Variants in ZNF333 observed in about 807,000 individuals in gnomAD.
ZNF333 encodes the protein zinc finger protein 333.
In ZNF333, 61 loss-of-function variants were observed where a neutral mutation model predicts 76.1. That is an observed-to-expected ratio of 0.80 (90% CI 0.65 to 0.99). The LOEUF (loss-of-function observed/expected upper bound fraction) is 0.99, where lower values mean the gene tolerates loss of function less well. ZNF333 is among the 50% of genes least tolerant of loss of function. ZNF333 has a pLI of 0.00. For synonymous variants in ZNF333, 284 were observed against 305.0 expected, an observed-to-expected ratio of 0.93 and a Z score of 0.72; for missense variants, 717 against 822.4, an observed-to-expected ratio of 0.87 and a Z score of 1.57.
chr19:14,720,201 A>G lies in ZNF333; in HGVS notation c.*876A>G. 1 of 982,470 alleles carries G rather than the reference A, an allele frequency of 1.0e-6. No individual in the cohort carries two copies. Among genetic ancestry groups the G allele is most frequent in the East Asian group, 1.1e-4 (1 of 8,798 alleles). 60.9% of individuals were successfully genotyped at this position (982,470 alleles called of 1,614,324 possible). A position where few individuals can be genotyped will look rare whatever the true frequency, so the allele number is the denominator to read the frequency against. The stretch of plus-strand genomic sequence containing the variant: ...ACTCTGTCTCAAAAATAATAATAAT[A>G]AAAAAAAGCTTCCATCTCCCAGCCC... On this transcript the variant is annotated 3_prime_UTR_variant, in exon 12 of 12. Transcript: ENST00000292530.
chr19:14,690,838 A>C (rs1182825504), intron 1 of ZNF333, among the ~76,000 whole-genome samples: 1 of 152,118 alleles, frequency 6.6e-6, no homozygotes, highest in Non-Finnish European at 1.5e-5. Context: ...CACTCCTATA[A>C]TCCCAGCACT....
At chr19:14,705,385 G>T (rs550958330) in intron 6 of ZNF333, among the ~76,000 whole-genome samples, 10 of 152,246 alleles carry the variant, frequency 6.6e-5, no homozygotes, top group South Asian at 2.1e-4. Context: ...CCTGGGGGAG[G>T]GTCTGGTTGT....
chr19:14,695,651 C>G lies in ZNF333; in HGVS notation c.213C>G (p.Ala71=), dbSNP rs755026523. The change falls in exon 4 of 12, where the codon GCC becomes GCG. Residue 71 remains alanine, a synonymous_variant. Transcript: ENST00000292530. ...PKATERGILR[A]TGVAWESQLK... is the part of the protein sequence containing the mutation. ...CAACAGAACGAGGGATTCTCCGTGC[C>G]ACAGGTGTTGGTGAGTACCAGGCAG... 6.2e-7 allele frequency: 1 copy of G among 1,614,116 alleles called. No individual in the cohort carries two copies. The highest frequency in any genetic ancestry group is 2.2e-5 in the East Asian group (1 of 44,874).
exon 12 of ZNF333, chr19:14,733,251 A>C (rs1025682428): frequency 6.6e-6 from 1 of 152,186 alleles, no homozygotes; most frequent in Non-Finnish European, 1.5e-5. Context: ...GTTATTTTGG[A>C]CAAACACCGC....
chr19:14,709,539 C>T (rs2042218226), intron 7 of ZNF333, among the ~76,000 whole-genome samples: 1 of 152,310 alleles, frequency 6.6e-6, no homozygotes, highest in East Asian at 1.9e-4. Flanking sequence ...ATTGTGCTCC[C>T]CTTCTCCAAG....
In ZNF333 at chr19:14,718,251, A is replaced by G. The variant is rs2042494560; in HGVS notation, c.924A>G (p.Lys308=). The G allele has an allele frequency of 6.2e-7, 1 of 1,610,474 alleles. No homozygotes were observed. Among genetic ancestry groups the G allele is most frequent in the Non-Finnish European group, 8.5e-7 (1 of 1,178,102 alleles). Residue 308 remains lysine, a synonymous_variant, in exon 12 of 12, where the codon AAA becomes AAG. Coordinates refer to ENST00000292530, the MANE Select transcript of ZNF333 (RefSeq NM_032433.4). ...VKGEQPQPGE[K]LYKYNELEKP... ...AGGAGCAACCTCAGCCTGGAGAAAA[A>G]CTCTATAAATATAATGAACTTGAGA...
chr19:14,721,642 ATAC>A lies in ZNF333; in HGVS notation c.*2318_*2320del, dbSNP rs2042588922. On this transcript the variant is annotated 3_prime_UTR_variant, in exon 12 of 12. Coordinates refer to ENST00000292530, the MANE Select transcript of ZNF333 (RefSeq NM_032433.4). Reference sequence around the variant, plus strand: ...CTGTGTAATAGTCCATAGTCTGAATATACCACAATTTAAAAATTCTATTCTGTT... The same window carrying A: ...CTGTGTAATAGTCCATAGTCTGAATACACAATTTAAAAATTCTATTCTGTT... 6.6e-6 allele frequency: 1 copy of A among 152,242 alleles called. No homozygotes were observed. Among genetic ancestry groups the A allele is most frequent in the Non-Finnish European group, 1.5e-5 (1 of 68,036 alleles). The allele number at this position is 152,242 out of a possible 1,614,324, so 9.4% of individuals were successfully genotyped here.
chr19:14,725,118 A>G (rs573186421), downstream of ZNF333, among the ~76,000 whole-genome samples: 2 of 152,330 alleles, frequency 1.3e-5, no homozygotes, highest in Admixed American at 1.3e-4. Context: ...CAAAAAGTGA[A>G]GCAGGAGCAG....
chr19:14,695,629 C>T lies in ZNF333; in HGVS notation c.191C>T (p.Thr64Ile), dbSNP rs765709769. 6.2e-7 allele frequency: 1 copy of T among 1,614,156 alleles called. No homozygotes were observed. Residue 64 changes from threonine to isoleucine, a missense_variant, in exon 4 of 12, where the codon ACA becomes ATA. Transcript: ENST00000292530. Reference protein sequence around the residue: ...QLGQRAEPKATERGILRATGV... With the variant: ...QLGQRAEPKAIERGILRATGV... ...GGGCAAAGAGCAGAGCCAAAGGCAACAGAACGAGGGATTCTCCGTGCCACA... is the reference window on the plus strand; with the variant it reads ...GGGCAAAGAGCAGAGCCAAAGGCAATAGAACGAGGGATTCTCCGTGCCACA...
chr19:14,699,284 A>G lies in ZNF333; in HGVS notation c.306+3A>G. ...CATCCTCCAGGGACATGCAAATGGTAAGATGCACGGGGTTTTCCCCGGCTC... is the reference window on the plus strand; with the variant it reads ...CATCCTCCAGGGACATGCAAATGGTGAGATGCACGGGGTTTTCCCCGGCTC... On this transcript the variant is annotated splice_donor_region_variant and intron_variant, in intron 5 of 11. Transcript: ENST00000292530. 6.2e-7 allele frequency: 1 copy of G among 1,613,322 alleles called. No individual in the cohort carries two copies. Among genetic ancestry groups the G allele is most frequent in the Non-Finnish European group, 8.5e-7 (1 of 1,179,438 alleles).
At chr19:14,730,660 T>A (rs73513908) in intron 11 of ZNF333, among the ~76,000 whole-genome samples, 2,699 of 152,288 alleles carry the variant, frequency 0.018, 78 homozygotes, top group African/African-American at 0.061. Flanking sequence ...GTGATTTTTT[T>A]AATTTCAACT....
chr19:14,691,717 C>T (rs1287101372), intron 1 of ZNF333, among the ~76,000 whole-genome samples: 1 of 134,054 alleles, frequency 7.5e-6, no homozygotes, highest in South Asian at 2.5e-4. Context: ...CACTTCATCA[C>T]CCAGGCTGGA....
chr19:14,731,400 G>C, exon 12 of ZNF333: 1 of 582,648 alleles, frequency 1.7e-6, no homozygotes, highest in Non-Finnish European at 3.0e-6. Flanking sequence ...ACATACTTCT[G>C]GCTTCCGGAT....
intron 2 of ZNF333, among the ~76,000 whole-genome samples, chr19:14,694,323 A>G (rs1478228067): frequency 2.0e-5 from 3 of 151,840 alleles, no homozygotes. Context: ...AAATACAAAA[A>G]GTTAGCTGGG....
chr19:14,705,151 C>G lies in ZNF333; in HGVS notation c.404C>G (p.Pro135Arg). 6.2e-7 allele frequency: 1 copy of G among 1,613,612 alleles called. No homozygotes were observed. Among genetic ancestry groups the G allele is most frequent in the Non-Finnish European group, 8.5e-7 (1 of 1,179,900 alleles). The change falls in exon 6 of 12, where the codon CCT (proline) becomes CGT (arginine). Residue 135 changes from proline to arginine, a missense_variant. Pro to Arg is a moderately radical substitution (Grantham distance 103). Transcript: ENST00000292530. ...GACCGGCCAGCTCTCCAGGAGCCGC[C>G]TTGGTCTCTGGGATGCACGGTAAGC... ...REDRPALQEPPWSLGCTGLKA... is the reference protein window; with the variant it reads ...REDRPALQEPRWSLGCTGLKA...
chr19:14,699,309 C>T (rs1046824032), intron 5 of ZNF333, 28 bp downstream of exon 5: 3 of 1,596,474 alleles, frequency 1.9e-6, no homozygotes, highest in South Asian at 1.1e-5. Flanking sequence ...TTCCCCGGCT[C>T]CCAGCATGGG....
At chr19:14,728,306 C>A (rs909609770) in intron 11 of ZNF333, among the ~76,000 whole-genome samples, 1 of 152,174 alleles carries the variant, frequency 6.6e-6, no homozygotes, top group Non-Finnish European at 1.5e-5. Flanking sequence ...TTTTTTCTAT[C>A]TACAGGCTGA....
intron 1 of ZNF333, among the ~76,000 whole-genome samples, chr19:14,690,724 T>C (rs1269216666): frequency 6.6e-6 from 1 of 152,226 alleles, no homozygotes; most frequent in Non-Finnish European, 1.5e-5. Context: ...GTCTTTTAGC[T>C]TAATATCTGT....
chr19:14,690,068 G>A lies in ZNF333; in HGVS notation c.-124G>A, dbSNP rs555302349. 187 of 152,428 alleles carry A rather than the reference G, an allele frequency of 1.2e-3. No homozygotes were observed. The highest frequency in any genetic ancestry group is 4.4e-3 in the African/African-American group (181 of 41,414). 9.4% of individuals were successfully genotyped at this position (152,428 alleles called of 1,614,324 possible). A position where few individuals can be genotyped will look rare whatever the true frequency, so the allele number is the denominator to read the frequency against. On this transcript the variant is annotated 5_prime_UTR_variant, in exon 1 of 12. Coordinates refer to ENST00000292530, the MANE Select transcript of ZNF333 (RefSeq NM_032433.4). ...ACCGGAAGCGGAAGTGCGCGCGGCG[G>A]CGGCCGACGGCGGCTGAGCTGTGCT...
Sources: allele counts gnomAD v4.1 joint callset (sites outside exome capture counted in the v4.1 genomes callset), GRCh38; gene constraint gnomAD v4.1.1; transcripts MANE v1.5; gene names NCBI Gene and HGNC (gene_info 2026-07-23, HGNC 2026-07-21).